The following GSDMC variants were observed in gnomAD, a reference collection of about 807,000 sequenced individuals.
The protein encoded by GSDMC is gasdermin-C.
A neutral mutation model predicts 58.0 loss-of-function variants in GSDMC; 59 were observed. The observed-to-expected ratio is 1.02, with a 90% CI of 0.82 to 1.26. The LOEUF is 1.26. Among genes scored for constraint, GSDMC ranks in the 50% most tolerant of loss-of-function variants. The probability of loss-of-function intolerance (pLI) is 0.00; values close to 1 mark genes in which losing one functional copy is unlikely to be tolerated. For synonymous variants in GSDMC, 241 were observed against 220.2 expected (o/e 1.09, Z -0.83); for missense variants, 659 against 598.5 (o/e 1.10, Z -1.06).
intron 5 of GSDMC, among the ~76,000 whole-genome samples, chr8:129,761,605 A>G (rs7824719): frequency 0.1 from 15,257 of 152,138 alleles, 2,597 homozygotes; most frequent in African/African-American, 0.35. Flanking sequence ...TTTTGAAACT[A>G]GAGCTCCTTT....
chr8:129,708,493 A>G, the GSDMC span, among the ~76,000 whole-genome samples: 3 of 152,252 alleles, frequency 2.0e-5, no homozygotes, highest in Admixed American at 6.5e-5. Context: ...CTCAGCCTTA[A>G]GGAACCTCCT....
chr8:129,723,417 T>TC, the GSDMC span, among the ~76,000 whole-genome samples: 1 of 117,088 alleles, frequency 8.5e-6, no homozygotes, highest in Non-Finnish European at 1.6e-5. Context: ...TTTTTTCTTC[T>TC]CCTTTTTTTT....
At chr8:129,755,870 G>C (rs1296191553) in intron 6 of GSDMC, among the ~76,000 whole-genome samples, 1 of 150,554 alleles carries the variant, frequency 6.6e-6, no homozygotes, top group African/African-American at 2.4e-5. Flanking sequence ...GACTTACAAT[G>C]GACACAGAAA....
intron 6 of GSDMC, 150 bp from the exon 7 acceptor site, chr8:129,752,970 C>T (rs1389741230): frequency 7.5e-7 from 1 of 1,334,534 alleles, no homozygotes; most frequent in South Asian, 1.5e-5. Flanking sequence ...AGAGGAATTG[C>T]CCATTCCTTC....
chr8:129,777,427 T>A lies in GSDMC; in HGVS notation c.161A>T (p.Asp54Val), dbSNP rs143364779. The A allele has an allele frequency of 6.2e-7, 1 of 1,613,914 alleles. No homozygotes were observed. The highest frequency in any genetic ancestry group is 1.7e-5 in the Admixed American group (1 of 60,022). Reference protein sequence around the residue: ...DSRSSFWEQSDYVPVEFSLND... With the variant: ...DSRSSFWEQSVYVPVEFSLND... ...GAGGGAGAATTCAACTGGAACATAGTCAGATTGTTCCCAAAATGATGAACG... is the reference window on the plus strand; with the variant it reads ...GAGGGAGAATTCAACTGGAACATAGACAGATTGTTCCCAAAATGATGAACG... Residue 54 changes from aspartate (D) to valine (V), a missense_variant, in exon 2 of 14, where the codon GAC becomes GTC. Transcript: ENST00000276708.
At chr8:129,728,790 C>T in the GSDMC span, 6 of 527,358 alleles carry the variant, frequency 1.1e-5, no homozygotes, top group Non-Finnish European at 1.8e-5. Flanking sequence ...TGGCTCTGGT[C>T]CCACAGGGGC....
chr8:129,730,100 C>A, the GSDMC span: 1 of 988,080 alleles, frequency 1.0e-6, no homozygotes, highest in Non-Finnish European at 1.5e-6. Flanking sequence ...ATTCTTGTAA[C>A]ACTATTCAGG....
the GSDMC span, chr8:129,729,943 C>A: frequency 6.8e-5 from 102 of 1,501,124 alleles, 3 homozygotes; most frequent in South Asian, 1.1e-3. Context: ...ACTAAGCGAG[C>A]CAGTGGAGCT....
the GSDMC span, among the ~76,000 whole-genome samples, chr8:129,731,235 C>G: frequency 6.6e-6 from 1 of 152,204 alleles, no homozygotes; most frequent in African/African-American, 2.4e-5. Flanking sequence ...GGAAGGGGCT[C>G]CTCTTCCCCA....
At chr8:129,745,827 C>T (rs891499900), downstream of GSDMC, among the ~76,000 whole-genome samples, 1 of 151,508 alleles carries the variant, frequency 6.6e-6, no homozygotes, top group Non-Finnish European at 1.5e-5. Context: ...TGTTTAAAAT[C>T]GTAGAAGGTG....
the GSDMC span, chr8:129,728,715 C>T: frequency 2.4e-6 from 1 of 418,014 alleles, no homozygotes; most frequent in East Asian, 4.4e-5. Flanking sequence ...CCTATAAGCA[C>T]CATCTACTGG....
At chr8:129,734,944 T>C in the GSDMC span, among the ~76,000 whole-genome samples, 2 of 151,828 alleles carry the variant, frequency 1.3e-5, no homozygotes, top group East Asian at 1.9e-4. Context: ...CAGGCTCAAA[T>C]AGAGGGATGG....
chr8:129,767,048 C>A (rs925802005), intron 3 of GSDMC, among the ~76,000 whole-genome samples: 5 of 152,190 alleles, frequency 3.3e-5, no homozygotes, highest in Non-Finnish European at 7.4e-5. Flanking sequence ...CCTGCAGACC[C>A]AAGCCAACAA....
rs115362838 is a variant in GSDMC, at chr8:129,777,451, C to A, written c.137G>T (p.Arg46Leu). ...GTCAGATTGTTCCCAAAATGATGAA[C>A]GAGAATCCTTCTTCTTTCGTAATAT... ...FVILRKKKDS[R>L]SSFWEQSDYV... Residue 46 changes from arginine to leucine, a missense_variant, in exon 2 of 14, where the codon CGT (arginine) becomes CTT (leucine). By Grantham distance (102) the Arg-to-Leu change is moderately radical. Coordinates refer to ENST00000276708, the MANE Select transcript of GSDMC (RefSeq NM_031415.3). 7 of 1,613,440 alleles carry A rather than the reference C, an allele frequency of 4.3e-6. No homozygotes were observed. Among genetic ancestry groups the A allele is most frequent in the East Asian group, 2.2e-5 (1 of 44,874 alleles).
chr8:129,773,708 C>G (rs1412763526), intron 3 of GSDMC, among the ~76,000 whole-genome samples: 1 of 150,656 alleles, frequency 6.6e-6, no homozygotes, highest in African/African-American at 2.4e-5. Context: ...ATTGCTTGAA[C>G]CTGGGAGGCA....
At chr8:129,775,199 G>T (rs2034182787) in intron 3 of GSDMC, among the ~76,000 whole-genome samples, 1 of 152,152 alleles carries the variant, frequency 6.6e-6, no homozygotes, top group South Asian at 2.1e-4. Flanking sequence ...AAAAGAAATT[G>T]TGGTATGTGT....
intron 5 of GSDMC, 145 bp downstream of exon 5, chr8:129,762,481 G>A (rs2033703944): frequency 5.8e-6 from 4 of 692,802 alleles, no homozygotes; most frequent in Non-Finnish European, 1.0e-5. Context: ...GTGTGCCCTG[G>A]ACAGTAAGAA....
At chr8:129,767,195 C>T (rs897572378) in intron 3 of GSDMC, among the ~76,000 whole-genome samples, 1 of 152,018 alleles carries the variant, frequency 6.6e-6, no homozygotes, top group African/African-American at 2.4e-5. Context: ...GCCAGCAACC[C>T]TGCCTAACTG....
At chr8:129,729,930 A>G in the GSDMC span, 10 of 1,461,126 alleles carry the variant, frequency 6.8e-6, no homozygotes, top group Non-Finnish European at 9.6e-6. Flanking sequence ...TTTGAGAATC[A>G]ACACTAAGCG....
Sources: gnomAD v4.1 joint callset for allele counts (sites outside exome capture counted in the v4.1 genomes callset) on GRCh38, gnomAD v4.1.1 for gene constraint, MANE v1.5 for transcripts, NCBI Gene and HGNC (gene_info 2026-07-23, HGNC 2026-07-21) for gene names.